Variants in HSD17B4 observed in about 807,000 individuals in gnomAD.
The protein encoded by HSD17B4 is hydroxysteroid 17-beta dehydrogenase 4, also known as peroxisomal multifunctional enzyme type 2.
In HSD17B4, 70 loss-of-function variants were observed where a neutral mutation model predicts 101.0. The ratio of observed to expected loss-of-function variants is 0.69; its 90% CI spans 0.57 to 0.85. The LOEUF is 0.85. HSD17B4 is among the 40% of genes least tolerant of loss of function. The probability of loss-of-function intolerance (pLI) is 0.00; values close to 1 mark genes in which losing one functional copy is unlikely to be tolerated. For missense variants in HSD17B4, 984 were observed against 892.4 expected, an observed-to-expected ratio of 1.10 and a Z score of -1.31; for synonymous variants, 347 against 297.1, an observed-to-expected ratio of 1.17 and a Z score of -1.73.
At chr5:119,469,557 G>A (rs1201103335) in intron 2 of HSD17B4, among the ~76,000 whole-genome samples, 1 of 152,088 alleles carries the variant, frequency 6.6e-6, no homozygotes, top group African/African-American at 2.4e-5. Context: ...GTTTCATCAT[G>A]TTGGCCATAC....
intron 22 of HSD17B4, among the ~76,000 whole-genome samples, chr5:119,534,342 G>T (rs1457303103): frequency 6.6e-6 from 1 of 151,428 alleles, no homozygotes; most frequent in Non-Finnish European, 1.5e-5. Flanking sequence ...AGTTAAGTCT[G>T]CATATCTGGA....
Position 119,456,100 on chromosome 5 carries a change from G to A in HSD17B4, c.59-215G>A, listed in dbSNP as rs571274189. Among the ~76,000 whole-genome samples, 8 of 152,298 alleles carry A rather than the reference G, an allele frequency of 5.3e-5. 1 individual carries two copies. The East Asian group carries it at 1.5e-3, about 29-fold the overall frequency. On this transcript the variant is annotated intron_variant, in intron 1 of 23. Coordinates refer to ENST00000510025, the MANE Select transcript of HSD17B4 (RefSeq NM_000414.4). ...CTAAGTAGAATGGTAGGAAGTGGTA[G>A]TAGAATAGGTGGAAAAATACAGTTT...
chr5:119,481,555 T>C (rs2126713032), intron 8 of HSD17B4, among the ~76,000 whole-genome samples: 1 of 152,334 alleles, frequency 6.6e-6, no homozygotes, highest in East Asian at 1.9e-4. Context: ...GGTTTCTCAG[T>C]GCATGTAAAA....
chr5:119,467,886 A>G (rs1166118306), intron 2 of HSD17B4, among the ~76,000 whole-genome samples: 3 of 152,168 alleles, frequency 2.0e-5, no homozygotes, highest in Non-Finnish European at 4.4e-5. Flanking sequence ...TGTATAGAAT[A>G]TCTTTTTCTG....
chr5:119,458,129 C>T (rs554186087), intron 2 of HSD17B4, among the ~76,000 whole-genome samples: 1 of 152,190 alleles, frequency 6.6e-6, no homozygotes, highest in East Asian at 1.9e-4. Flanking sequence ...GTGTCAAGTC[C>T]TGATAAAAGT....
At chr5:119,459,261 C>CT (rs1301182483) in intron 2 of HSD17B4, among the ~76,000 whole-genome samples, 1 of 152,180 alleles carries the variant, frequency 6.6e-6, no homozygotes, top group Non-Finnish European at 1.5e-5. Context: ...TATGACCTCT[C>CT]TGTTTATAGC....
chr5:119,492,389 T>TG, intron 10 of HSD17B4: 1 of 495,092 alleles, frequency 2.0e-6, no homozygotes, highest in Non-Finnish European at 3.7e-6. Context: ...GAACTGGCTA[T>TG]TCCTTCAGAC....
In HSD17B4 at chr5:119,475,808, A is replaced by G. The variant is rs751649278; in HGVS notation, c.303-16A>G. 6.3e-7 allele frequency: 1 copy of G among 1,594,882 alleles called. No homozygotes were observed. Among genetic ancestry groups the G allele is most frequent in the South Asian group, 1.1e-5 (1 of 90,724 alleles). On this transcript the variant is annotated splice_polypyrimidine_tract_variant and intron_variant, in intron 5 of 23. Coordinates refer to ENST00000510025, the MANE Select transcript of HSD17B4 (RefSeq NM_000414.4). ...ATACTTTCCTCCTTTTACCCTATACAACATTGATTTTTTAGAATTCTGAGG... is the reference window on the plus strand; with the variant it reads ...ATACTTTCCTCCTTTTACCCTATACGACATTGATTTTTTAGAATTCTGAGG...
In HSD17B4 at chr5:119,541,982, C is replaced by T. The variant is rs12714; in HGVS notation, c.2199C>T (p.Tyr733=). 15,888 of 1,609,234 alleles carry T rather than the reference C, an allele frequency of 9.9e-3. 711 individuals are homozygous for T. In the African/African-American group the frequency reaches 0.12, roughly 12 times the overall value. ...SQKLQMILKD[Y]AKL ...AACTTCAGATGATTCTTAAAGACTA[C>T]GCCAAGCTCTGAAGGGCACACTACA... is the stretch of plus-strand genomic sequence containing the variant. The change falls in exon 24 of 24, where the codon TAC becomes TAT. Residue 733 remains tyrosine, a synonymous_variant. Coordinates refer to ENST00000510025, the MANE Select transcript of HSD17B4 (RefSeq NM_000414.4).
chr5:119,490,347 T>C (rs1252249381), intron 9 of HSD17B4, among the ~76,000 whole-genome samples: 2 of 152,150 alleles, frequency 1.3e-5, no homozygotes, highest in Non-Finnish European at 2.9e-5. Flanking sequence ...TACTTTTACC[T>C]CATTAAGGAA....
intron 23 of HSD17B4, among the ~76,000 whole-genome samples, chr5:119,538,562 G>C (rs1335050659): frequency 1.3e-5 from 2 of 152,134 alleles, no homozygotes; most frequent in East Asian, 3.8e-4. Flanking sequence ...TTTTGCACGT[G>C]TATAAAATCC....
intron 6 of HSD17B4, among the ~76,000 whole-genome samples, chr5:119,476,132 C>G (rs1554062422): frequency 6.6e-6 from 1 of 152,064 alleles, no homozygotes; most frequent in Non-Finnish European, 1.5e-5. Context: ...TCCCTCTCCC[C>G]TTTTTTTCTC....
At chr5:119,460,609 T>C (rs1214842486) in intron 2 of HSD17B4, among the ~76,000 whole-genome samples, 1 of 151,890 alleles carries the variant, frequency 6.6e-6, no homozygotes, top group Non-Finnish European at 1.5e-5. Flanking sequence ...TAACATCAAA[T>C]AGATTCATTT....
chr5:119,503,781 A>T (rs1423422627), intron 14 of HSD17B4, among the ~76,000 whole-genome samples: 1 of 150,164 alleles, frequency 6.7e-6, no homozygotes, highest in Admixed American at 6.6e-5. Context: ...TTATTATTTT[A>T]AAAAAGAATT....
At chr5:119,483,096 T>G (rs919410149) in intron 8 of HSD17B4, among the ~76,000 whole-genome samples, 3 of 152,038 alleles carry the variant, frequency 2.0e-5, no homozygotes, top group African/African-American at 7.2e-5. Flanking sequence ...GTCCAAAGCA[T>G]GAGGGGATTT....
intron 14 of HSD17B4, among the ~76,000 whole-genome samples, chr5:119,505,563 A>G (rs1227483633): frequency 1.3e-5 from 2 of 152,110 alleles, no homozygotes; most frequent in Non-Finnish European, 2.9e-5. Flanking sequence ...TGGTGTATGG[A>G]AATGCTACTC....
chr5:119,512,514 A>G (rs893539113), intron 16 of HSD17B4, among the ~76,000 whole-genome samples: 3 of 152,140 alleles, frequency 2.0e-5, no homozygotes, highest in Non-Finnish European at 2.9e-5. Context: ...CTCATCAGAA[A>G]CAATGGAAGT....
chr5:119,504,514 T>C (rs1365693721), intron 14 of HSD17B4, among the ~76,000 whole-genome samples: 1 of 152,240 alleles, frequency 6.6e-6, no homozygotes, highest in Non-Finnish European at 1.5e-5. Context: ...GGTTTTGATT[T>C]GCATTTCTCT....
intron 2 of HSD17B4, among the ~76,000 whole-genome samples, chr5:119,466,608 G>T (rs1316558607): frequency 5.3e-5 from 8 of 151,984 alleles, no homozygotes; most frequent in Admixed American, 2.0e-4. Flanking sequence ...AGTCGTTAAT[G>T]ATCTTTTTTA....
Sources: allele counts gnomAD v4.1 joint callset (sites outside exome capture counted in the v4.1 genomes callset), GRCh38; gene constraint gnomAD v4.1.1; transcripts MANE v1.5; gene names NCBI Gene and HGNC (gene_info 2026-07-23, HGNC 2026-07-21).